Variants in RBFOX1 observed in about 807,000 individuals in gnomAD.
RBFOX1 encodes the protein RNA binding protein fox-1 homolog 1.
In RBFOX1, 8 loss-of-function variants were observed where a neutral mutation model predicts 57.7. The ratio of observed to expected loss-of-function variants is 0.14; its 90% CI spans 0.08 to 0.25. RBFOX1 has a LOEUF of 0.25. Ranked by LOEUF, RBFOX1 falls within the 10% of genes least tolerant of loss-of-function variation. RBFOX1 has a pLI of 1.00. For synonymous variants in RBFOX1, 326 were observed against 222.4 expected (o/e 1.47, Z -4.15); for missense variants, 611 against 548.5 (o/e 1.11, Z -1.14).
At chr16:6,503,447 G>A (rs973955865) in intron 2 of RBFOX1, among the ~76,000 whole-genome samples, 6 of 152,138 alleles carry the variant, frequency 3.9e-5, no homozygotes, top group African/African-American at 1.2e-4. Flanking sequence ...ACATTTCCCT[G>A]GGTGGACCAT....
At chr16:7,265,966 T>G (rs1406074358) in intron 4 of RBFOX1, among the ~76,000 whole-genome samples, 21 of 129,126 alleles carry the variant, frequency 1.6e-4, no homozygotes, top group African/African-American at 6.2e-4. Context: ...GGGTTTTTGT[T>G]TTTTTTTTTT....
At chr16:6,774,119 C>G (rs932442351) in intron 3 of RBFOX1, 7 of 597,628 alleles carry the variant, frequency 1.2e-5, no homozygotes, top group East Asian at 1.4e-4. Context: ...TGTAAAATAC[C>G]AAGTTATCGG....
rs546871929 is a variant in RBFOX1 at position 6,885,454 on chromosome 16, C to G, written c.-15-166603C>G. Among the ~76,000 whole-genome samples the G allele has an allele frequency of 2.6e-5, 4 of 152,176 alleles. No homozygotes were observed. The East Asian group carries it at 7.7e-4, about 29-fold the overall frequency. ...GAGTTCTATAGTACCTTTCAGTATT[C>G]GTAACAGTGATTCCTGGAGACTTTC... On this transcript the variant is annotated intron_variant, in intron 3 of 15. Transcript: ENST00000550418.
chr16:6,498,029 G>A (rs2095819680), intron 2 of RBFOX1, among the ~76,000 whole-genome samples: 3 of 151,848 alleles, frequency 2.0e-5, no homozygotes, highest in African/African-American at 4.8e-5. Context: ...CGGGTGGATC[G>A]CCTAAGGTCA....
chr16:6,837,317 G>T (rs571058644), intron 3 of RBFOX1, among the ~76,000 whole-genome samples: 10 of 152,286 alleles, frequency 6.6e-5, no homozygotes, highest in Admixed American at 3.3e-4. Flanking sequence ...CTTCCATTTT[G>T]TAGATGTGCC....
chr16:7,289,072 G>A (rs2095707878), intron 4 of RBFOX1, among the ~76,000 whole-genome samples: 1 of 152,112 alleles, frequency 6.6e-6, no homozygotes, highest in Non-Finnish European at 1.5e-5. Flanking sequence ...ATCCAACAGA[G>A]TTACCCAGAA....
At chr16:7,637,308 G>C (rs1018847913) in intron 11 of RBFOX1, among the ~76,000 whole-genome samples, 1 of 151,792 alleles carries the variant, frequency 6.6e-6, no homozygotes, top group African/African-American at 2.4e-5. Context: ...GATATCATGG[G>C]CAAATGCTTG....
At chr16:6,701,333 C>G (rs1155960) in intron 3 of RBFOX1, among the ~76,000 whole-genome samples, 148,896 of 152,358 alleles carry the variant, frequency 0.98, 72,828 homozygotes, top group Middle Eastern at 1. Flanking sequence ...CAGCTGGGTA[C>G]GGGTATTTGT....
intron 4 of RBFOX1, among the ~76,000 whole-genome samples, chr16:5,959,936 C>G (rs780200407): frequency 1.2e-4 from 19 of 152,226 alleles, no homozygotes; most frequent in Non-Finnish European, 2.5e-4. Context: ...CGCGGTGGCT[C>G]ACGCCTGTAA....
chr16:7,269,677 T>G (rs902802099), intron 4 of RBFOX1, among the ~76,000 whole-genome samples: 1 of 152,224 alleles, frequency 6.6e-6, no homozygotes, highest in Admixed American at 6.5e-5. Flanking sequence ...ATTTTTTATC[T>G]TTCTCCCTTA....
chr16:7,286,664 C>T (rs942118885), intron 4 of RBFOX1, among the ~76,000 whole-genome samples: 2 of 144,010 alleles, frequency 1.4e-5, no homozygotes, highest in African/African-American at 2.6e-5. Context: ...TACTCTGTCA[C>T]CCAGGATGGA....
At chr16:6,114,575 G>A (rs959036679) in intron 1 of RBFOX1, among the ~76,000 whole-genome samples, 5 of 151,684 alleles carry the variant, frequency 3.3e-5, no homozygotes, top group Non-Finnish European at 1.5e-5. Context: ...CTTGGAGGGG[G>A]CGTAACTTAT....
chr16:6,716,927 C>G (rs1342115388), intron 3 of RBFOX1, among the ~76,000 whole-genome samples: 2 of 152,178 alleles, frequency 1.3e-5, no homozygotes, highest in Non-Finnish European at 2.9e-5. Context: ...GAGGTGGGGT[C>G]TTTGGAAGGC....
At position 7,069,880 on chromosome 16, in the gene RBFOX1, C is replaced by T. The variant is rs778838416; in HGVS notation, c.27+17782C>T. 1.8e-4 allele frequency among the ~76,000 whole-genome samples: 28 copies of T among 152,276 alleles called. No homozygotes were observed. In the Middle Eastern group the frequency reaches 0.02, roughly 111 times the overall value. On this transcript the variant is annotated intron_variant, in intron 4 of 15. Coordinates refer to ENST00000550418, the MANE Select transcript of RBFOX1 (RefSeq NM_018723.4). ...ACATCACTCCAAAATGTAGAATTTGCGCTTGAATTTTACCCCAGCTCTGCT... is the reference window on the plus strand; with the variant it reads ...ACATCACTCCAAAATGTAGAATTTGTGCTTGAATTTTACCCCAGCTCTGCT...
At chr16:7,045,776 C>G (rs1212446072) in intron 3 of RBFOX1, among the ~76,000 whole-genome samples, 1 of 152,112 alleles carries the variant, frequency 6.6e-6, no homozygotes, top group African/African-American at 2.4e-5. Flanking sequence ...TTGCCTCAGC[C>G]TCCTGAGTAG....
intron 4 of RBFOX1, among the ~76,000 whole-genome samples, chr16:5,973,259 G>T (rs2059997652): frequency 6.6e-6 from 1 of 152,164 alleles, no homozygotes; most frequent in Non-Finnish European, 1.5e-5. Flanking sequence ...AGAGTCTAAG[G>T]TGTGATATAT....
chr16:6,292,245 G>A (rs143549009), intron 1 of RBFOX1, among the ~76,000 whole-genome samples: 1,782 of 152,146 alleles, frequency 0.012, 42 homozygotes, highest in African/African-American at 0.041. Flanking sequence ...GGGTAAGAAA[G>A]TGAGATGCCA....
At chr16:6,079,752 C>T (rs994654883) in intron 1 of RBFOX1, among the ~76,000 whole-genome samples, 4 of 152,116 alleles carry the variant, frequency 2.6e-5, no homozygotes, top group Admixed American at 2.6e-4. Context: ...GGGAGGATGG[C>T]CTGGGCTGAG....
At chr16:7,488,574 T>C (rs1047343834) in intron 4 of RBFOX1, among the ~76,000 whole-genome samples, 1 of 152,096 alleles carries the variant, frequency 6.6e-6, no homozygotes, top group African/African-American at 2.4e-5. Context: ...CATATGTTTA[T>C]CCATTCTGAC....
Sources: allele counts gnomAD v4.1 joint callset (sites outside exome capture counted in the v4.1 genomes callset), GRCh38; gene constraint gnomAD v4.1.1; transcripts MANE v1.5; gene names NCBI Gene and HGNC (gene_info 2026-07-23, HGNC 2026-07-21).